Variants in CDH18 observed in about 807,000 individuals in gnomAD.
CDH18 encodes the protein cadherin 18, also known as cadherin-18.
In CDH18, 31 loss-of-function variants were observed where a neutral mutation model predicts 67.9. That is an observed-to-expected ratio of 0.46 (90% CI 0.34 to 0.62). The LOEUF is 0.62. Ranked by LOEUF, CDH18 falls within the 20% of genes least tolerant of loss-of-function variation. CDH18 has a pLI of 0.01. For missense variants in CDH18, 890 were observed against 975.5 expected (o/e 0.91, Z 1.17); for synonymous variants, 362 against 347.2 (o/e 1.04, Z -0.48).
At chr5:20,300,928 C>T (rs76984057) in intron 1 of CDH18, among the ~76,000 whole-genome samples, 5,302 of 152,176 alleles carry the variant, frequency 0.035, 249 homozygotes, top group African/African-American at 0.1. Context: ...AAGATAAAGT[C>T]TCCAAGATTA....
intron 2 of CDH18, among the ~76,000 whole-genome samples, chr5:19,998,243 ATTGGCTAC>A (rs1736163732): frequency 6.6e-6 from 1 of 152,152 alleles, no homozygotes; most frequent in African/African-American, 2.4e-5. Flanking sequence ...TTACGAGTTT[ATTGGCTAC>A]ATAAGTTTTG....
At chr5:19,477,691 A>C (rs1053244588) in intron 12 of CDH18, among the ~76,000 whole-genome samples, 2 of 152,140 alleles carry the variant, frequency 1.3e-5, no homozygotes, top group African/African-American at 4.8e-5. Context: ...ACTGACAGTC[A>C]AAAGAATGTA....
chr5:19,712,206 T>G (rs532633439), intron 5 of CDH18, among the ~76,000 whole-genome samples: 36 of 152,072 alleles, frequency 2.4e-4, no homozygotes, highest in Non-Finnish European at 4.4e-4. Context: ...ACAAAGTACA[T>G]TTTCTGGGTG....
intron 10 of CDH18, among the ~76,000 whole-genome samples, chr5:19,507,313 TAA>T (rs1280141721): frequency 6.6e-6 from 1 of 152,202 alleles, no homozygotes; most frequent in Non-Finnish European, 1.5e-5. Context: ...GATGGGAATG[TAA>T]ACTAGTTCAA....
upstream of CDH18, among the ~76,000 whole-genome samples, chr5:19,991,002 G>T (rs947516135): frequency 6.6e-6 from 1 of 152,174 alleles, no homozygotes; most frequent in East Asian, 1.9e-4. Flanking sequence ...GTTACCTTGG[G>T]AGAGTTATTA....
At chr5:20,046,911 C>T (rs1370089953) in intron 2 of CDH18, among the ~76,000 whole-genome samples, 3 of 151,430 alleles carry the variant, frequency 2.0e-5, no homozygotes, top group Non-Finnish European at 4.4e-5. Flanking sequence ...GAAATTTTGC[C>T]GTAAGGCGAG....
chr5:19,486,332 C>T, intron 11 of CDH18, among the ~76,000 whole-genome samples: 1 of 151,108 alleles, frequency 6.6e-6, no homozygotes, highest in African/African-American at 2.4e-5. Context: ...TATATACACA[C>T]ATACATATAT....
chr5:20,528,930 T>G (rs1309729927), intron 1 of CDH18, among the ~76,000 whole-genome samples: 2 of 150,844 alleles, frequency 1.3e-5, no homozygotes, highest in Non-Finnish European at 3.0e-5. Context: ...ACAAAAACCC[T>G]TCAAAACATC....
chr5:19,965,193 A>T (rs570132223), intron 2 of CDH18, among the ~76,000 whole-genome samples: 14 of 152,316 alleles, frequency 9.2e-5, no homozygotes, highest in South Asian at 2.1e-4. Flanking sequence ...AGAATAAAAT[A>T]AAATTAAATT....
chr5:19,832,476 A>G (rs1781160692), intron 3 of CDH18, among the ~76,000 whole-genome samples: 1 of 152,102 alleles, frequency 6.6e-6, no homozygotes, highest in Non-Finnish European at 1.5e-5. Context: ...AGGGAGGAAT[A>G]GAAAAGATAC....
At chr5:19,553,997 G>A (rs566376103) in intron 8 of CDH18, among the ~76,000 whole-genome samples, 2 of 152,020 alleles carry the variant, frequency 1.3e-5, no homozygotes, top group Middle Eastern at 3.4e-3. Context: ...TTCACTTTAC[G>A]AATTATGATT....
chr5:19,553,040 G>T (rs967553963), intron 8 of CDH18, among the ~76,000 whole-genome samples: 13 of 151,982 alleles, frequency 8.6e-5, no homozygotes, highest in Non-Finnish European at 1.9e-4. Flanking sequence ...AAAACAGACA[G>T]AAAATTTATG....
Position 19,473,045 on chromosome 5 carries a change from T to TTA in CDH18, c.*180_*181insTA. ...TTTGTATTGTCTTTTTTTTTTTTTT[T>TTA]TTACTTTCTTCCAATTAAATAACCC... On this transcript the variant is annotated 3_prime_UTR_variant, in exon 13 of 13. Transcript: ENST00000382275. 3.6e-6 allele frequency: 2 copies of TTA among 558,506 alleles called. No individual in the cohort carries two copies. Among genetic ancestry groups the TTA allele is most frequent in the East Asian group, 6.2e-5 (2 of 32,506 alleles). 34.6% of individuals were successfully genotyped at this position (558,506 alleles called of 1,614,324 possible).
chr5:20,499,479 T>C (rs1754114785), intron 1 of CDH18, among the ~76,000 whole-genome samples: 1 of 152,098 alleles, frequency 6.6e-6, no homozygotes, highest in African/African-American at 2.4e-5. Context: ...GCTGACTGCG[T>C]AAAAACTGGG....
At chr5:20,425,900 T>C (rs1297686890) in intron 1 of CDH18, among the ~76,000 whole-genome samples, 11 of 150,652 alleles carry the variant, frequency 7.3e-5, no homozygotes, top group Admixed American at 7.2e-4. Flanking sequence ...CAGATGGTTG[T>C]AGGCTGCTAT....
chr5:19,932,999 T>C lies in CDH18; in HGVS notation c.-257+48061A>G, dbSNP rs548086515. On this transcript the variant is annotated intron_variant, in intron 2 of 12. Transcript: ENST00000382275. Reference sequence around the variant, plus strand: ...TCTAATACTGTATTACATACAGTAATAGGTAATAATAATACCTAATACCTT... The same window carrying C: ...TCTAATACTGTATTACATACAGTAACAGGTAATAATAATACCTAATACCTT... Among the ~76,000 whole-genome samples, 4 of 151,766 alleles carry C rather than the reference T, an allele frequency of 2.6e-5. No homozygotes were observed. The Admixed American group carries it at 2.6e-4, about 10-fold the overall frequency.
At chr5:20,458,589 G>A (rs1184262412) in intron 1 of CDH18, among the ~76,000 whole-genome samples, 1 of 152,128 alleles carries the variant, frequency 6.6e-6, no homozygotes, top group Non-Finnish European at 1.5e-5. Flanking sequence ...CTGCACTTCA[G>A]CCTGGGCAAC....
chr5:20,485,398 G>A (rs1021374400), intron 1 of CDH18, among the ~76,000 whole-genome samples: 2 of 152,104 alleles, frequency 1.3e-5, no homozygotes, highest in Admixed American at 6.6e-5. Flanking sequence ...TATCTATCCT[G>A]AATATGACAA....
chr5:19,570,112 A>G (rs948199316), intron 8 of CDH18, among the ~76,000 whole-genome samples: 2 of 151,298 alleles, frequency 1.3e-5, no homozygotes, highest in Non-Finnish European at 3.0e-5. Flanking sequence ...ATGGTGCTAC[A>G]TTTTTTTTTA....
Sources: gnomAD v4.1 joint callset for allele counts (sites outside exome capture counted in the v4.1 genomes callset) on GRCh38, gnomAD v4.1.1 for gene constraint, MANE v1.5 for transcripts, NCBI Gene and HGNC (gene_info 2026-07-23, HGNC 2026-07-21) for gene names.